The following LAPTM4B variants were observed in gnomAD, a reference collection of about 807,000 sequenced individuals.
The protein encoded by LAPTM4B is lysosomal protein transmembrane 4 beta.
LAPTM4B carries 26 observed loss-of-function variants against 28.5 expected under a neutral mutation model. The observed-to-expected ratio is 0.91, with a 90% CI of 0.67 to 1.27. The LOEUF (loss-of-function observed/expected upper bound fraction) is 1.27, where lower values mean the gene tolerates loss of function less well. Among genes scored for constraint, LAPTM4B ranks in the 50% most tolerant of loss-of-function variants. The pLI is 0.00. For synonymous variants in LAPTM4B, 109 were observed against 106.4 expected, an observed-to-expected ratio of 1.02 and a Z score of -0.15; for missense variants, 288 against 285.8, an observed-to-expected ratio of 1.01 and a Z score of -0.06.
chr8:97,782,906 T>TTTTATTTATTTATTTATTTATTTA (rs60489660), intron 1 of LAPTM4B, among the ~76,000 whole-genome samples: 3 of 135,078 alleles, frequency 2.2e-5, no homozygotes, highest in Admixed American at 7.7e-5. Context: ...TAATTTTGTA[T>TTTTATTTATTTATTTATTTATTTA]TTTATTTATT....
At position 97,851,706 on chromosome 8, in the gene LAPTM4B, C is replaced by G; in HGVS notation, c.*232C>G. The G allele has an allele frequency of 3.7e-6, 2 of 543,042 alleles. No homozygotes were observed. The highest frequency in any genetic ancestry group is 2.4e-5 in the South Asian group (1 of 42,452). 33.6% of individuals were successfully genotyped at this position (543,042 alleles called of 1,614,324 possible). A position where few individuals can be genotyped will look rare whatever the true frequency, so the allele number is the denominator to read the frequency against. ...CCTGTACGATTGGGGATATAATGGGCTTCACTAACCTTCCCTAGGCATTGA... is the reference window on the plus strand; with the variant it reads ...CCTGTACGATTGGGGATATAATGGGGTTCACTAACCTTCCCTAGGCATTGA... On this transcript the variant is annotated 3_prime_UTR_variant, in exon 7 of 7. Coordinates refer to ENST00000521545, the MANE Select transcript of LAPTM4B (RefSeq NM_018407.6).
chr8:97,834,671 G>A (rs1055118880), intron 6 of LAPTM4B, among the ~76,000 whole-genome samples: 1 of 152,078 alleles, frequency 6.6e-6, no homozygotes, highest in Non-Finnish European at 1.5e-5. Context: ...CAATCCTCCT[G>A]CCTCAGCCTC....
At chr8:97,843,780 C>CAAATAAATAAATAAATAAAT (rs150370509) in intron 6 of LAPTM4B, among the ~76,000 whole-genome samples, 45 of 149,006 alleles carry the variant, frequency 3.0e-4, no homozygotes, top group East Asian at 1.2e-3. Flanking sequence ...AACTCCATCT[C>CAAATAAATAAATAAATAAAT]AAATAAATAA....
intron 6 of LAPTM4B, among the ~76,000 whole-genome samples, chr8:97,825,987 T>C (rs1453375278): frequency 6.6e-6 from 1 of 152,202 alleles, no homozygotes; most frequent in Non-Finnish European, 1.5e-5. Flanking sequence ...AAATTTATAC[T>C]AGAGTAGAGT....
intron 1 of LAPTM4B, among the ~76,000 whole-genome samples, chr8:97,777,449 C>T (rs1214954166): frequency 1.3e-5 from 2 of 151,852 alleles, no homozygotes; most frequent in African/African-American, 4.8e-5. Flanking sequence ...CGCGCCCGGC[C>T]GAGAAAAATT....
intron 1 of LAPTM4B, among the ~76,000 whole-genome samples, chr8:97,789,223 G>C (rs1274932144): frequency 6.6e-6 from 1 of 151,288 alleles, no homozygotes; most frequent in East Asian, 2.0e-4. Context: ...ACAGGCAAGT[G>C]CCACCACGCC....
At position 97,825,122 on chromosome 8, in the gene LAPTM4B, T is replaced by C. The variant is rs1817073385; in HGVS notation, c.572T>C (p.Val191Ala). 5 of 1,609,918 alleles carry C rather than the reference T, an allele frequency of 3.1e-6. No homozygotes were observed. Among genetic ancestry groups the C allele is most frequent in the Non-Finnish European group, 4.3e-6 (5 of 1,176,198 alleles). The change falls in exon 6 of 7, where the codon GTC (valine) becomes GCC (alanine). Residue 191 changes from valine to alanine, a missense_variant. Coordinates refer to ENST00000521545, the MANE Select transcript of LAPTM4B (RefSeq NM_018407.6). ...ATCAATGGTAGGAACTCCTCTGATG[T>C]CCTGGTTTATGTTACCAGCAATGAC... The part of the protein sequence containing the change: ...RYINGRNSSD[V>A]LVYVTSNDTT...
intron 2 of LAPTM4B, among the ~76,000 whole-genome samples, chr8:97,806,743 G>C (rs555157813): frequency 6.6e-6 from 1 of 152,256 alleles, no homozygotes; most frequent in East Asian, 1.9e-4. Flanking sequence ...GATCAGCTGA[G>C]GCCAGGAGTT....
At chr8:97,780,881 T>C (rs2129717502) in intron 1 of LAPTM4B, among the ~76,000 whole-genome samples, 1 of 152,290 alleles carries the variant, frequency 6.6e-6, no homozygotes, top group South Asian at 2.1e-4. Flanking sequence ...ATTATTACTA[T>C]TTTTAAAATT....
intron 1 of LAPTM4B, among the ~76,000 whole-genome samples, chr8:97,779,829 G>A (rs1816281985): frequency 6.6e-6 from 1 of 151,644 alleles, no homozygotes; most frequent in African/African-American, 2.4e-5. Context: ...CGAGGTGAGT[G>A]GATCTTGAGG....
chr8:97,807,171 G>A (rs1816768103), intron 2 of LAPTM4B, among the ~76,000 whole-genome samples: 1 of 152,188 alleles, frequency 6.6e-6, no homozygotes, highest in Non-Finnish European at 1.5e-5. Context: ...ACCGCCGTGT[G>A]TTGAAGATGC....
chr8:97,806,137 G>C (rs1252867292), intron 2 of LAPTM4B, among the ~76,000 whole-genome samples: 2 of 152,206 alleles, frequency 1.3e-5, no homozygotes, highest in African/African-American at 4.8e-5. Context: ...AGAGAGGAGA[G>C]AGTGGCTCAA....
At chr8:97,826,891 A>ATTTGTTTTTTTTT (rs1554592432) in intron 6 of LAPTM4B, among the ~76,000 whole-genome samples, 1 of 152,252 alleles carries the variant, frequency 6.6e-6, no homozygotes, top group Non-Finnish European at 1.5e-5. Context: ...ACAAATAAAA[A>ATTTGTTTTTTTTT]GTCCATAATT....
At chr8:97,834,269 A>C (rs1817228197) in intron 6 of LAPTM4B, among the ~76,000 whole-genome samples, 1 of 152,058 alleles carries the variant, frequency 6.6e-6, no homozygotes, top group African/African-American at 2.4e-5. Flanking sequence ...GTGCCACTGC[A>C]CTCCAGCCTA....
chr8:97,832,048 T>C (rs1817190519), intron 6 of LAPTM4B, among the ~76,000 whole-genome samples: 1 of 152,182 alleles, frequency 6.6e-6, no homozygotes, highest in Admixed American at 6.5e-5. Context: ...AAAACAAATA[T>C]ACTTCTAGTT....
At chr8:97,781,458 A>G (rs1816318653) in intron 1 of LAPTM4B, among the ~76,000 whole-genome samples, 1 of 148,652 alleles carries the variant, frequency 6.7e-6, no homozygotes, top group African/African-American at 2.5e-5. Flanking sequence ...TTGTTTTCCT[A>G]GTAGAGACAG....
chr8:97,822,534 T>TTATG (rs568507182), intron 5 of LAPTM4B, among the ~76,000 whole-genome samples: 6,055 of 136,584 alleles, frequency 0.044, 440 homozygotes, highest in East Asian at 0.3. Flanking sequence ...TCTATTTTAT[T>TTATG]TATTTATTTA....
chr8:97,835,239 C>T (rs1342517033), intron 6 of LAPTM4B, among the ~76,000 whole-genome samples: 1 of 152,176 alleles, frequency 6.6e-6, no homozygotes, highest in Non-Finnish European at 1.5e-5. Context: ...TTCAGGTTGA[C>T]CTCTGTGGAA....
chr8:97,815,525 G>C (rs922232225), intron 3 of LAPTM4B, 124 bp downstream of exon 3: 1 of 757,978 alleles, frequency 1.3e-6, no homozygotes, highest in Non-Finnish European at 2.2e-6. Flanking sequence ...TAAATCTCTC[G>C]TTTGTATTAT....
Sources: allele counts gnomAD v4.1 joint callset (sites outside exome capture counted in the v4.1 genomes callset), GRCh38; gene constraint gnomAD v4.1.1; transcripts MANE v1.5; gene names NCBI Gene and HGNC (gene_info 2026-07-23, HGNC 2026-07-21).